The following LINGO2 variants were observed in gnomAD, a reference collection of about 807,000 sequenced individuals.
LINGO2 encodes the protein leucine rich repeat and Ig domain containing 2.
A neutral mutation model predicts 30.6 loss-of-function variants in LINGO2; 14 were observed. The observed-to-expected ratio is 0.46, with a 90% CI of 0.30 to 0.72. The LOEUF (loss-of-function observed/expected upper bound fraction) is 0.72. LINGO2 is among the 30% of genes least tolerant of loss of function. The probability of loss-of-function intolerance (pLI) is 0.07; values close to 1 mark genes in which losing one functional copy is unlikely to be tolerated. For synonymous variants in LINGO2, 317 were observed against 288.5 expected (o/e 1.10, Z -1.00); for missense variants, 729 against 751.7 (o/e 0.97, Z 0.35).
chr9:28,699,527 T>C, the LINGO2 span, among the ~76,000 whole-genome samples: 420 of 152,130 alleles, frequency 2.8e-3, 3 homozygotes, highest in African/African-American at 9.7e-3. Flanking sequence ...GTTTGAACAA[T>C]ATGAAATCAG....
Position 28,148,913 on chromosome 9 carries a change from A to G in LINGO2, c.-86-136508T>C. 2 of 1,533,896 alleles carry G rather than the reference A, an allele frequency of 1.3e-6. No homozygotes were observed. Among genetic ancestry groups the G allele is most frequent in the African/African-American group, 2.7e-5 (2 of 73,104 alleles). ...CAAGGATCCTGCAGCTCTTGGGTCA[A>G]GTAGGTCTTCTCCACACAGAGCTGC... On this transcript the variant is annotated intron_variant, in intron 4 of 5. Transcript: ENST00000379992. This position sits in a 1 kb window ranked among gnomAD's most constrained non-coding sequence, Gnocchi z 5.1.
intron 1 of LINGO2, among the ~76,000 whole-genome samples, chr9:28,476,392 C>T (rs1825729297): frequency 6.6e-6 from 1 of 152,174 alleles, no homozygotes; most frequent in Admixed American, 6.5e-5. Context: ...TCTCCTGCCT[C>T]AGCCTCCCGA....
chr9:28,397,012 T>C (rs1447028861), intron 2 of LINGO2, among the ~76,000 whole-genome samples: 2 of 152,162 alleles, frequency 1.3e-5, no homozygotes, highest in African/African-American at 4.8e-5. Flanking sequence ...TTACTAATCA[T>C]AATAAATTTA....
chr9:27,994,267 C>G (rs893756714), intron 5 of LINGO2, among the ~76,000 whole-genome samples: 6 of 151,318 alleles, frequency 4.0e-5, no homozygotes, highest in African/African-American at 1.5e-4. Flanking sequence ...AAACCAAACC[C>G]GAAATTAGTA....
the LINGO2 span, among the ~76,000 whole-genome samples, chr9:29,199,649 A>C: frequency 2.6e-5 from 4 of 152,122 alleles, no homozygotes; most frequent in Admixed American, 6.6e-5. Context: ...TTTCATATTA[A>C]ATAGATTTAA....
intron 1 of LINGO2, among the ~76,000 whole-genome samples, chr9:28,665,177 T>A (rs1006309898): frequency 1.3e-5 from 2 of 151,692 alleles, no homozygotes; most frequent in Non-Finnish European, 2.9e-5. Context: ...AGCTGACATT[T>A]ATCAAGAGTG....
chr9:28,320,415 A>G lies in LINGO2; in HGVS notation c.-245-25049T>C, dbSNP rs190578572. The stretch of plus-strand genomic sequence containing the variant: ...CACCTGTGCAACTGCACAAATTGTG[A>G]ATGATGCTGCAGTTAGCCGACATAA... On this transcript the variant is annotated intron_variant, in intron 3 of 5. Coordinates refer to ENST00000379992, the Ensembl canonical transcript of LINGO2. Among the ~76,000 whole-genome samples the G allele has an allele frequency of 8.5e-5, 13 of 152,286 alleles. No individual in the cohort carries two copies. In the East Asian group the frequency reaches 2.1e-3, roughly 25 times the overall value.
intron 4 of LINGO2, among the ~76,000 whole-genome samples, chr9:28,175,890 A>G (rs1291077447): frequency 1.3e-5 from 2 of 152,156 alleles, no homozygotes; most frequent in African/African-American, 4.8e-5. Context: ...TCGTTCTCTG[A>G]TCTTGGCCTA....
chr9:28,233,312 T>C (rs1821440710), intron 4 of LINGO2, among the ~76,000 whole-genome samples: 1 of 151,940 alleles, frequency 6.6e-6, no homozygotes, highest in Non-Finnish European at 1.5e-5. Flanking sequence ...ATACATTTAC[T>C]TCCTATTTGA....
At chr9:28,413,493 C>A (rs1299894558) in intron 2 of LINGO2, among the ~76,000 whole-genome samples, 1 of 152,120 alleles carries the variant, frequency 6.6e-6, no homozygotes. Context: ...TGCTTTCCCT[C>A]CAACTTCTCC....
chr9:28,213,645 G>T (rs1365739287), intron 4 of LINGO2, among the ~76,000 whole-genome samples: 4 of 151,028 alleles, frequency 2.6e-5, no homozygotes, highest in African/African-American at 7.3e-5. Context: ...GTCAATAAAT[G>T]TAAAATTATT....
In LINGO2 at chr9:28,577,366, C is replaced by T. The variant is rs760499387; in HGVS notation, c.-365+92834G>A. Among the ~76,000 whole-genome samples, 3 of 152,244 alleles carry T rather than the reference C, an allele frequency of 2.0e-5. No individual in the cohort carries two copies. The East Asian group carries it at 5.8e-4, about 29-fold the overall frequency. On this transcript the variant is annotated intron_variant, in intron 1 of 5. Coordinates refer to ENST00000379992, the Ensembl canonical transcript of LINGO2. ...GATGACTCCACTGAGACCCAAGACT[C>T]AAGACCCGACCAGTCCTGTGGCCCT...
chr9:29,134,342 C>T, the LINGO2 span, among the ~76,000 whole-genome samples: 1 of 152,108 alleles, frequency 6.6e-6, no homozygotes. Context: ...ATTATAATTA[C>T]TTGCTACTTA....
chr9:28,758,621 C>T, the LINGO2 span, among the ~76,000 whole-genome samples: 5 of 152,160 alleles, frequency 3.3e-5, no homozygotes, highest in Non-Finnish European at 7.4e-5. Flanking sequence ...TGTTAATATC[C>T]TGGCTGCCTG....
At chr9:28,586,849 T>C (rs1237867968) in intron 1 of LINGO2, among the ~76,000 whole-genome samples, 1 of 151,904 alleles carries the variant, frequency 6.6e-6, no homozygotes, top group Admixed American at 6.6e-5. Flanking sequence ...AGGAGGTATT[T>C]AAAAAAACAT....
At chr9:28,032,672 T>C (rs553778294) in intron 4 of LINGO2, among the ~76,000 whole-genome samples, 6 of 152,310 alleles carry the variant, frequency 3.9e-5, no homozygotes, top group Admixed American at 1.3e-4. Flanking sequence ...CCAGAACTAG[T>C]TGGCGACAGA....
the LINGO2 span, among the ~76,000 whole-genome samples, chr9:29,037,128 T>C: frequency 6.6e-6 from 1 of 152,014 alleles, no homozygotes; most frequent in East Asian, 1.9e-4. Context: ...GTCTCACAAA[T>C]TTTAATGTTG....
chr9:28,261,109 G>A (rs1367804225), intron 4 of LINGO2, among the ~76,000 whole-genome samples: 1 of 151,832 alleles, frequency 6.6e-6, no homozygotes, highest in African/African-American at 2.4e-5. Flanking sequence ...GGAACTATAT[G>A]AGATTAAATT....
chr9:28,389,610 C>T (rs1028767845), intron 2 of LINGO2, among the ~76,000 whole-genome samples: 2 of 152,108 alleles, frequency 1.3e-5, no homozygotes, highest in Non-Finnish European at 2.9e-5. Context: ...CACAGTCAGC[C>T]CCACTTAGTG....
Sources: allele counts gnomAD v4.1 joint callset (sites outside exome capture counted in the v4.1 genomes callset), GRCh38; gene constraint gnomAD v4.1.1; non-coding constraint Gnocchi (gnomAD v3.1); transcripts MANE v1.5; gene names NCBI Gene and HGNC (gene_info 2026-07-23, HGNC 2026-07-21).